The following CCDC146 variants were observed in gnomAD, a reference collection of about 807,000 sequenced individuals.
CCDC146 encodes coiled-coil domain containing 146.
CCDC146 carries 92 observed loss-of-function variants against 119.3 expected under a neutral mutation model. The ratio of observed to expected loss-of-function variants is 0.77; its 90% CI spans 0.65 to 0.92. The LOEUF is 0.92. CCDC146 is among the 40% of genes least tolerant of loss of function. CCDC146 has a pLI of 0.00. For missense variants in CCDC146, 1,000 were observed against 1,103.0 expected, an observed-to-expected ratio of 0.91 and a Z score of 1.32; for synonymous variants, 372 against 371.8, an observed-to-expected ratio of 1.00 and a Z score of -0.01.
At chr7:77,237,808 G>C (rs1176046544) in intron 3 of CCDC146, among the ~76,000 whole-genome samples, 2 of 152,196 alleles carry the variant, frequency 1.3e-5, no homozygotes, top group African/African-American at 4.8e-5. Context: ...GAGGGCAGGG[G>C]AGTGAAGAAA....
intron 1 of CCDC146, among the ~76,000 whole-genome samples, chr7:77,160,233 G>A (rs1375153363): frequency 2.0e-5 from 3 of 152,162 alleles, no homozygotes; most frequent in Admixed American, 1.3e-4. Context: ...TTGGGCTTAG[G>A]ATTGACTTGG....
intron 1 of CCDC146, among the ~76,000 whole-genome samples, chr7:77,137,154 A>C (rs1203774458): frequency 6.6e-6 from 1 of 151,974 alleles, no homozygotes; most frequent in East Asian, 1.9e-4. Flanking sequence ...CTAACATCAT[A>C]CTTAAAGGTG....
chr7:77,182,754 T>C (rs955343922), intron 2 of CCDC146, among the ~76,000 whole-genome samples: 1 of 152,126 alleles, frequency 6.6e-6, no homozygotes, highest in African/African-American at 2.4e-5. Flanking sequence ...AGATCAGACC[T>C]CTGTACTCTA....
chr7:77,199,187 G>A (rs753178187), intron 2 of CCDC146: 8 of 1,612,518 alleles, frequency 5.0e-6, no homozygotes, highest in Admixed American at 1.7e-5. Flanking sequence ...ATACCTGGAC[G>A]TGACTGTATT....
At chr7:77,126,310 T>C (rs1221270927) in intron 1 of CCDC146, among the ~76,000 whole-genome samples, 1 of 152,106 alleles carries the variant, frequency 6.6e-6, no homozygotes, top group Non-Finnish European at 1.5e-5. Context: ...CATGTTATTG[T>C]CAGGGAGTTT....
intron 2 of CCDC146, among the ~76,000 whole-genome samples, chr7:77,206,498 C>T (rs1374331614): frequency 6.6e-6 from 1 of 151,868 alleles, no homozygotes; most frequent in Admixed American, 6.6e-5. Flanking sequence ...GTCTGTAATG[C>T]ATATAATGGT....
intron 9 of CCDC146, 50 bp downstream of exon 9, chr7:77,262,357 G>T: frequency 2.8e-6 from 4 of 1,406,768 alleles, no homozygotes; most frequent in Non-Finnish European, 3.8e-6. Flanking sequence ...GCTAACTTTT[G>T]AAGTAAAAAT....
intron 2 of CCDC146, among the ~76,000 whole-genome samples, chr7:77,211,493 A>C (rs1044913586): frequency 2.0e-5 from 3 of 152,154 alleles, no homozygotes; most frequent in African/African-American, 7.2e-5. Context: ...ATGCTACTTG[A>C]GCATTCTTGT....
chr7:77,214,497 T>G (rs1792260879), intron 2 of CCDC146, among the ~76,000 whole-genome samples: 1 of 152,176 alleles, frequency 6.6e-6, no homozygotes, highest in Admixed American at 6.5e-5. Context: ...GCTTTTGAGG[T>G]CTTAGTCATA....
intron 15 of CCDC146, among the ~76,000 whole-genome samples, chr7:77,286,481 C>A (rs1317972984): frequency 6.6e-6 from 1 of 152,172 alleles, no homozygotes; most frequent in Non-Finnish European, 1.5e-5. Flanking sequence ...AGCCCTGCAA[C>A]CACACAGCAT....
At chr7:77,258,855 A>C in intron 6 of CCDC146, 140 bp from the exon 7 acceptor site, 1 of 631,922 alleles carries the variant, frequency 1.6e-6, no homozygotes, top group South Asian at 2.0e-5. Flanking sequence ...GTGAGTATTA[A>C]ATGGGATAAT....
intron 4 of CCDC146, among the ~76,000 whole-genome samples, chr7:77,247,353 A>G (rs1323941478): frequency 1.3e-5 from 2 of 152,154 alleles, no homozygotes; most frequent in Non-Finnish European, 2.9e-5. Context: ...AAACTCAGAA[A>G]TACTCAGGTT....
intron 2 of CCDC146, among the ~76,000 whole-genome samples, chr7:77,228,822 T>C (rs772002673): frequency 7.2e-5 from 11 of 152,238 alleles, no homozygotes; most frequent in African/African-American, 1.2e-4. Flanking sequence ...ACATCTGTTA[T>C]TTTTTGACTT....
In CCDC146 at chr7:77,196,282, T is replaced by C; in HGVS notation, c.156+28458T>C. ...CTGGAGGAATGAACAGAGTGATTTA[T>C]GGCTTAAAGTGCTTGGGTCTGATCA... On this transcript the variant is annotated intron_variant, in intron 2 of 18. Transcript: ENST00000285871. The surrounding 1 kb of genome is among the most constrained non-coding windows in gnomAD (Gnocchi z 4.2). 1.9e-6 allele frequency: 3 copies of C among 1,609,768 alleles called. No individual in the cohort carries two copies. The highest frequency in any genetic ancestry group is 2.5e-6 in the Non-Finnish European group (3 of 1,177,286).
chr7:77,192,539 TACA>T (rs1347908845), intron 2 of CCDC146, among the ~76,000 whole-genome samples: 5 of 152,206 alleles, frequency 3.3e-5, no homozygotes, highest in Non-Finnish European at 5.9e-5. Context: ...TTTGTTTGTG[TACA>T]ACAAGGCGTT....
At chr7:77,225,134 T>C (rs1289143977) in intron 2 of CCDC146, among the ~76,000 whole-genome samples, 2 of 152,266 alleles carry the variant, frequency 1.3e-5, no homozygotes, top group Non-Finnish European at 2.9e-5. Flanking sequence ...ATTAAGACTT[T>C]ATTTGTACAC....
chr7:77,211,275 C>A (rs10229278), intron 2 of CCDC146, among the ~76,000 whole-genome samples: 4,090 of 152,172 alleles, frequency 0.027, 176 homozygotes, highest in African/African-American at 0.093. Context: ...CTCTAAACAC[C>A]TTCCTTTTGC....
chr7:77,199,241 T>C (rs746035871), intron 2 of CCDC146: 7 of 1,613,986 alleles, frequency 4.3e-6, no homozygotes, highest in Admixed American at 1.7e-5. Flanking sequence ...TCCAAACTAT[T>C]GACAACAAAT....
intron 6 of CCDC146, 125 bp from the exon 7 acceptor site, chr7:77,258,870 G>C: frequency 1.5e-6 from 1 of 648,094 alleles, no homozygotes; most frequent in Non-Finnish European, 2.8e-6. Context: ...GATAATTAAA[G>C]CACACAGGGC....
Sources: gnomAD v4.1 joint callset for allele counts (sites outside exome capture counted in the v4.1 genomes callset) on GRCh38, gnomAD v4.1.1 for gene constraint, Gnocchi (gnomAD v3.1) non-coding constraint, MANE v1.5 for transcripts, NCBI Gene and HGNC (gene_info 2026-07-23, HGNC 2026-07-21) for gene names.